FARP1: variants seen among roughly 807,000 people sequenced by gnomAD.
FARP1 encodes the protein FERM, ARHGEF and pleckstrin domain-containing protein 1.
In FARP1, 52 loss-of-function variants were observed where a neutral mutation model predicts 128.8. The ratio of observed to expected loss-of-function variants is 0.40; its 90% confidence interval spans 0.32 to 0.51. The LOEUF (loss-of-function observed/expected upper bound fraction) is 0.51, where lower values mean the gene tolerates loss of function less well. Among genes scored for constraint, FARP1 ranks in the 20% least tolerant of loss-of-function variants. The pLI is 0.45. For missense variants in FARP1, 1,333 were observed against 1,367.9 expected (o/e 0.97, Z 0.40); for synonymous variants, 580 against 551.8 (o/e 1.05, Z -0.72).
At chr13:98,280,722 C>T (rs1884893687) in intron 2 of FARP1, among the ~76,000 whole-genome samples, 1 of 152,216 alleles carries the variant, frequency 6.6e-6, no homozygotes, top group South Asian at 2.1e-4. Flanking sequence ...TGGACTTCAT[C>T]CCTCAACTTC....
At chr13:98,286,553 C>G (rs1885179104) in intron 2 of FARP1, among the ~76,000 whole-genome samples, 1 of 152,176 alleles carries the variant, frequency 6.6e-6, no homozygotes, top group South Asian at 2.1e-4. Context: ...GTGAGACATA[C>G]CTTTCACCTT....
At chr13:98,320,080 G>A (rs376161956) in intron 2 of FARP1, among the ~76,000 whole-genome samples, 4 of 152,288 alleles carry the variant, frequency 2.6e-5, no homozygotes, top group African/African-American at 9.6e-5. Flanking sequence ...CACCCTGTCT[G>A]TTTTCCTCCC....
At position 98,452,870 on chromosome 13, in the gene FARP1, T is replaced by A. The variant is rs1188740165; in HGVS notation, c.*4553T>A. On this transcript the variant is annotated 3_prime_UTR_variant, in exon 27 of 27. Coordinates refer to ENST00000319562, the MANE Select transcript of FARP1 (RefSeq NM_005766.4). ...TCCCAAATATACATTTCAGGGTTTG[T>A]TTTTGTTTTTAAAGACACTTTCCTG... 3 of 308,832 alleles carry A rather than the reference T, an allele frequency of 9.7e-6. No individual in the cohort carries two copies. Among genetic ancestry groups the A allele is most frequent in the African/African-American group, 2.2e-5 (1 of 46,288 alleles). 19.1% of individuals were successfully genotyped at this position (308,832 alleles called of 1,614,324 possible).
At chr13:98,352,403 C>G (rs546316382) in intron 3 of FARP1, among the ~76,000 whole-genome samples, 2 of 152,228 alleles carry the variant, frequency 1.3e-5, no homozygotes, top group Non-Finnish European at 2.9e-5. Context: ...CCCCTTGAGA[C>G]GGGCCATCAC....
At chr13:98,160,614 C>T (rs950230129) in intron 1 of FARP1, among the ~76,000 whole-genome samples, 1 of 152,132 alleles carries the variant, frequency 6.6e-6, no homozygotes, top group Non-Finnish European at 1.5e-5. Flanking sequence ...ACCACTCCAG[C>T]ACACACAGAT....
At chr13:98,322,325 C>T (rs1390327218) in intron 2 of FARP1, among the ~76,000 whole-genome samples, 1 of 152,260 alleles carries the variant, frequency 6.6e-6, no homozygotes, top group East Asian at 1.9e-4. Context: ...AAAAATGTGC[C>T]TGGCATAGGA....
chr13:98,382,333 G>A (rs562723338), intron 6 of FARP1: 2 of 151,858 alleles, frequency 1.3e-5, no homozygotes, highest in Middle Eastern at 3.4e-3. Flanking sequence ...TGTGGGGAGC[G>A]AATGAGTTTC....
At chr13:98,397,027 T>C (rs1890577099) in intron 13 of FARP1, 1 of 152,276 alleles carries the variant, frequency 6.6e-6, no homozygotes, top group South Asian at 2.1e-4. Context: ...GTTGAGATTA[T>C]GTTGGTGAAA....
intron 1 of FARP1, among the ~76,000 whole-genome samples, chr13:98,183,632 C>T (rs969752026): frequency 2.6e-5 from 4 of 152,258 alleles, no homozygotes; most frequent in South Asian, 4.1e-4. Context: ...TTTACAAACG[C>T]ACCTTATTAG....
chr13:98,385,236 C>G (rs1019900727), intron 7 of FARP1, among the ~76,000 whole-genome samples: 1 of 152,294 alleles, frequency 6.6e-6, no homozygotes, highest in Non-Finnish European at 1.5e-5. Flanking sequence ...TCAAAGGACT[C>G]ATGGTACTTT....
chr13:98,413,259 A>T (rs560610655), intron 16 of FARP1, among the ~76,000 whole-genome samples: 1 of 152,376 alleles, frequency 6.6e-6, no homozygotes, highest in East Asian at 1.9e-4. Flanking sequence ...GAATTGGAGA[A>T]ATAATAGGTA....
At chr13:98,367,133 AGATGATGAT>A (rs111823714) in intron 4 of FARP1, among the ~76,000 whole-genome samples, 22 of 148,704 alleles carry the variant, frequency 1.5e-4, no homozygotes, top group Middle Eastern at 3.4e-3. Flanking sequence ...TGCAAATCAC[AGATGATGAT>A]GATGATGATG....
At chr13:98,341,859 G>A (rs541681474) in intron 2 of FARP1, among the ~76,000 whole-genome samples, 1 of 152,122 alleles carries the variant, frequency 6.6e-6, no homozygotes, top group South Asian at 2.1e-4. Flanking sequence ...TATAGATCCA[G>A]TATGTAGAAA....
intron 13 of FARP1, chr13:98,402,071 G>A (rs898804038): frequency 3.3e-5 from 5 of 152,138 alleles, no homozygotes; most frequent in African/African-American, 4.8e-5. Context: ...AACTTGCCAC[G>A]GGATATCTGA....
intron 17 of FARP1, among the ~76,000 whole-genome samples, chr13:98,424,862 A>G (rs1236077933): frequency 6.7e-6 from 1 of 150,246 alleles, no homozygotes; most frequent in African/African-American, 2.5e-5. Context: ...TTCTTAAAAC[A>G]TTATGAGATT....
At position 98,365,001 on chromosome 13, in the gene FARP1, T is replaced by C. The variant is rs375392006; in HGVS notation, c.277-394T>C. 3.3e-5 allele frequency among the ~76,000 whole-genome samples: 5 copies of C among 152,358 alleles called. 1 individual carries two copies. Among genetic ancestry groups the C allele is most frequent in the African/African-American group, 1.2e-4 (5 of 41,586 alleles). ...TCCGCATCCCTCAAAGATGTGCTGT[T>C]CTAGACACTCACACATCTATGTATT... is the stretch of plus-strand genomic sequence containing the variant. On this transcript the variant is annotated intron_variant, in intron 3 of 26. Transcript: ENST00000319562.
chr13:98,387,799 C>T (rs1215898056), intron 8 of FARP1, among the ~76,000 whole-genome samples: 2 of 152,190 alleles, frequency 1.3e-5, no homozygotes, highest in African/African-American at 2.4e-5. Context: ...TTGATGGGCC[C>T]AGGAGCCAGA....
At chr13:98,206,679 G>A (rs1880290994) in intron 1 of FARP1, among the ~76,000 whole-genome samples, 1 of 152,164 alleles carries the variant, frequency 6.6e-6, no homozygotes, top group African/African-American at 2.4e-5. Context: ...GTCCTTATAA[G>A]TCAGGATACT....
At chr13:98,313,505 A>G (rs1367461296) in intron 2 of FARP1, among the ~76,000 whole-genome samples, 1 of 152,214 alleles carries the variant, frequency 6.6e-6, no homozygotes, top group Non-Finnish European at 1.5e-5. Context: ...GGCCCTGCTA[A>G]TGCCTTGACC....
Sources: allele counts gnomAD v4.1 joint callset (sites outside exome capture counted in the v4.1 genomes callset), GRCh38; gene constraint gnomAD v4.1.1; transcripts MANE v1.5; gene names NCBI Gene and HGNC (gene_info 2026-07-23, HGNC 2026-07-21).